Variants in PTPRM observed in about 807,000 individuals in gnomAD.
PTPRM encodes the protein protein tyrosine phosphatase receptor type M.
In PTPRM, 47 loss-of-function variants were observed where a neutral mutation model predicts 186.7. The observed-to-expected ratio is 0.25, with a 90% CI of 0.20 to 0.32. The LOEUF is 0.32. Among genes scored for constraint, PTPRM ranks in the 10% least tolerant of loss-of-function variants. The probability of loss-of-function intolerance (pLI) is 1.00; values close to 1 mark genes in which losing one functional copy is unlikely to be tolerated. For missense variants in PTPRM, 1,494 were observed against 1,865.0 expected (o/e 0.80, Z 3.66); for synonymous variants, 668 against 674.9 (o/e 0.99, Z 0.16).
chr18:7,725,770 G>A (rs1309168036), intron 1 of PTPRM, among the ~76,000 whole-genome samples: 1 of 152,046 alleles, frequency 6.6e-6, no homozygotes, highest in Non-Finnish European at 1.5e-5. Flanking sequence ...TTCGCGCTGA[G>A]AGCCACTTTC....
At chr18:8,351,436 T>C (rs551121802) in intron 23 of PTPRM, among the ~76,000 whole-genome samples, 2 of 152,318 alleles carry the variant, frequency 1.3e-5, no homozygotes, top group South Asian at 2.1e-4. Flanking sequence ...ACAGAATAAA[T>C]TGAGCATCTG....
intron 2 of PTPRM, among the ~76,000 whole-genome samples, chr18:7,795,084 A>G (rs2145257468): frequency 6.6e-6 from 1 of 152,318 alleles, no homozygotes; most frequent in Middle Eastern, 3.4e-3. Context: ...TGTGATCACC[A>G]GATGTACTAA....
In PTPRM at chr18:7,945,297, C is replaced by CAA. The variant is rs149613547; in HGVS notation, c.664-3868_664-3867dup. On this transcript the variant is annotated intron_variant, in intron 5 of 32. Transcript: ENST00000580170. ...TGAAACCCCATCTCTACTAAAAATA[C>CAA]AAAAAAAAAAAAAAAAATTATCCAG... Among the ~76,000 whole-genome samples, 91 of 135,850 alleles carry CAA rather than the reference C, an allele frequency of 6.7e-4. No homozygotes were observed. In the East Asian group the frequency reaches 0.012, roughly 18 times the overall value. 89.1% of individuals were successfully genotyped at this position (135,850 alleles called of 152,430 possible). A position where few individuals can be genotyped will look rare whatever the true frequency, so the allele number is the denominator to read the frequency against.
At chr18:7,879,465 T>G (rs1262203541) in intron 2 of PTPRM, among the ~76,000 whole-genome samples, 1 of 152,164 alleles carries the variant, frequency 6.6e-6, no homozygotes, top group South Asian at 2.1e-4. Flanking sequence ...TAGGTCCAAG[T>G]TTGTCTCGTT....
rs565187947 is a variant in PTPRM at position 8,005,136 on chromosome 18, T to C, written c.1132+49722T>C. ...TGGTCCTTTGGGCATGGCTGGTGAA[T>C]GGTTGCATGGAAAAATATACTCAAA... is the stretch of plus-strand genomic sequence containing the variant. On this transcript the variant is annotated intron_variant, in intron 7 of 32. Coordinates refer to ENST00000580170, the MANE Select transcript of PTPRM (RefSeq NM_001105244.2). Among the ~76,000 whole-genome samples the C allele has an allele frequency of 1.8e-4, 28 of 152,314 alleles. No individual in the cohort carries two copies. In the East Asian group the frequency reaches 4.8e-3, roughly 26 times the overall value.
chr18:8,344,308 C>T (rs942253699), intron 23 of PTPRM, among the ~76,000 whole-genome samples: 1 of 151,842 alleles, frequency 6.6e-6, no homozygotes, highest in Middle Eastern at 3.2e-3. Flanking sequence ...TTAAGATTCT[C>T]AGGTTTCAGG....
intron 14 of PTPRM, among the ~76,000 whole-genome samples, chr18:8,215,739 G>C (rs994787237): frequency 2.6e-5 from 4 of 151,472 alleles, no homozygotes; most frequent in Admixed American, 2.6e-4. Flanking sequence ...GTAGAGACCA[G>C]GTCTCCCTAT....
At chr18:8,355,589 T>C (rs564939674) in intron 23 of PTPRM, among the ~76,000 whole-genome samples, 1 of 152,222 alleles carries the variant, frequency 6.6e-6, no homozygotes, top group Non-Finnish European at 1.5e-5. Context: ...ACACTGGAGA[T>C]ACTGCAGAGA....
chr18:8,196,293 A>G (rs1156515586), intron 14 of PTPRM, among the ~76,000 whole-genome samples: 3 of 152,208 alleles, frequency 2.0e-5, no homozygotes, highest in Non-Finnish European at 4.4e-5. Context: ...GGTCATCACT[A>G]CAGATGTAAC....
chr18:8,063,081 C>T (rs1323838338), intron 7 of PTPRM, among the ~76,000 whole-genome samples: 3 of 151,562 alleles, frequency 2.0e-5, no homozygotes, highest in Non-Finnish European at 4.4e-5. Flanking sequence ...GCAGTTTGAT[C>T]TCAGACTGCT....
chr18:7,867,101 G>T (rs1051424968), intron 2 of PTPRM, among the ~76,000 whole-genome samples: 12 of 152,122 alleles, frequency 7.9e-5, no homozygotes, highest in African/African-American at 2.9e-4. Context: ...CTTTGCATGT[G>T]AGATGGGTCT....
chr18:8,297,454 C>T (rs1228419079), intron 20 of PTPRM, among the ~76,000 whole-genome samples: 1 of 152,168 alleles, frequency 6.6e-6, no homozygotes, highest in East Asian at 1.9e-4. Context: ...CACAGAATTT[C>T]CTGTGACTGC....
intron 1 of PTPRM, among the ~76,000 whole-genome samples, chr18:7,732,152 G>T (rs191649949): frequency 6.6e-6 from 1 of 152,092 alleles, no homozygotes; most frequent in African/African-American, 2.4e-5. Flanking sequence ...GAGTACACAG[G>T]TTCCTTCTTT....
At chr18:7,630,636 TAAAG>T (rs1248933573) in intron 1 of PTPRM, among the ~76,000 whole-genome samples, 3 of 152,166 alleles carry the variant, frequency 2.0e-5, no homozygotes, top group Admixed American at 6.5e-5. Flanking sequence ...GTGGGGGAAT[TAAAG>T]AAAAAAGTTT....
At chr18:8,117,307 G>A (rs1013137742) in intron 13 of PTPRM, among the ~76,000 whole-genome samples, 1 of 152,160 alleles carries the variant, frequency 6.6e-6, no homozygotes, top group African/African-American at 2.4e-5. Context: ...CTCACAGTGC[G>A]ATGGCTTAAT....
At chr18:8,194,335 C>A (rs2093746719) in intron 14 of PTPRM, among the ~76,000 whole-genome samples, 2 of 152,100 alleles carry the variant, frequency 1.3e-5, no homozygotes, top group South Asian at 4.1e-4. Flanking sequence ...TTATTTTAGC[C>A]AATTGAGTTT....
chr18:8,305,747 T>A (rs1240374107), intron 20 of PTPRM, among the ~76,000 whole-genome samples: 1 of 152,214 alleles, frequency 6.6e-6, no homozygotes. Flanking sequence ...TAAAAGTATC[T>A]CCACCTCCTC....
In PTPRM at chr18:7,572,962, T is replaced by C. The variant is rs142104863; in HGVS notation, c.73+5071T>C. Among the ~76,000 whole-genome samples, 978 of 152,276 alleles carry C rather than the reference T, an allele frequency of 6.4e-3. 3 individuals carry two copies. Among genetic ancestry groups the C allele is most frequent in the Middle Eastern group, 0.024 (7 of 294 alleles). ...CAGTTTAGTCATCAGAAAGCCTGAGTTGACACTGTAGCTCTGAAAAACCCA... is the reference window on the plus strand; with the variant it reads ...CAGTTTAGTCATCAGAAAGCCTGAGCTGACACTGTAGCTCTGAAAAACCCA... On this transcript the variant is annotated intron_variant, in intron 1 of 32. Transcript: ENST00000580170.
chr18:8,108,907 A>G (rs1307844442), intron 11 of PTPRM, among the ~76,000 whole-genome samples: 1 of 152,220 alleles, frequency 6.6e-6, no homozygotes, highest in Non-Finnish European at 1.5e-5. Flanking sequence ...AGGGTGGTGC[A>G]ACTTTAATAA....
Sources: gnomAD v4.1 joint callset for allele counts (sites outside exome capture counted in the v4.1 genomes callset) on GRCh38, gnomAD v4.1.1 for gene constraint, MANE v1.5 for transcripts, NCBI Gene and HGNC (gene_info 2026-07-23, HGNC 2026-07-21) for gene names.